NBR1: variants seen among roughly 807,000 people sequenced by gnomAD.
NBR1 encodes the protein NBR1 autophagy cargo receptor.
A neutral mutation model predicts 115.5 loss-of-function variants in NBR1; 59 were observed. That is an observed-to-expected ratio of 0.51 (90% CI 0.41 to 0.63). NBR1 has a LOEUF of 0.63. Among genes scored for constraint, NBR1 ranks in the 30% least tolerant of loss-of-function variants. The probability of loss-of-function intolerance (pLI) is 0.00; values close to 1 mark genes in which losing one functional copy is unlikely to be tolerated. For synonymous variants in NBR1, 373 were observed against 414.7 expected, an observed-to-expected ratio of 0.90 and a Z score of 1.22; for missense variants, 1,043 against 1,150.5, an observed-to-expected ratio of 0.91 and a Z score of 1.35.
chr17:43,196,440 G>A (rs370035361), intron 14 of NBR1, 41 bp from the exon 15 acceptor site: 13 of 1,241,024 alleles, frequency 1.0e-5, no homozygotes, highest in African/African-American at 1.5e-5. Context: ...ATGATATGAT[G>A]CTTTCTCTTG....
rs2056987359 is a variant in NBR1 at position 43,193,146 on chromosome 17, G to A, written c.1126G>A (p.Val376Met). 2.5e-6 allele frequency: 4 copies of A among 1,613,854 alleles called. No individual in the cohort carries two copies. In the East Asian group the frequency reaches 6.7e-5, roughly 27 times the overall value. ...TATGCCAATGCTCAGTGCAGCATTTGTGGATGAGAATTTGCCTGATGGGAC... is the reference window on the plus strand; with the variant it reads ...TATGCCAATGCTCAGTGCAGCATTTATGGATGAGAATTTGCCTGATGGGAC... ...SVMPMLSAAF[V>M]DENLPDGTHL... Residue 376 changes from valine (V) to methionine (M), a missense_variant, in exon 11 of 21, where the codon GTG (valine) becomes ATG (methionine). Coordinates refer to ENST00000590996, the MANE Select transcript of NBR1 (RefSeq NM_005899.5).
At chr17:43,208,950 G>A (rs1449239107) in intron 20 of NBR1, among the ~76,000 whole-genome samples, 1 of 152,150 alleles carries the variant, frequency 6.6e-6, no homozygotes, top group Admixed American at 6.6e-5. Flanking sequence ...CTGGGGAACA[G>A]AGTGACACCC....
intron 1 of NBR1, among the ~76,000 whole-genome samples, chr17:43,175,586 T>C (rs2056492256): frequency 2.6e-5 from 4 of 152,230 alleles, no homozygotes; most frequent in Admixed American, 2.6e-4. Context: ...TTTTAGCCTA[T>C]CTTTCTTTCC....
Position 43,189,614 on chromosome 17 carries a change from G to A in NBR1, c.507G>A (p.Thr169=), listed in dbSNP as rs751878775. The A allele has an allele frequency of 5.6e-6, 9 of 1,613,792 alleles. No individual in the cohort carries two copies. In the Admixed American group the frequency reaches 1.3e-4, roughly 24 times the overall value. ...ETFREQVVNE[T]VEKLEQKLHE... Reference sequence around the variant, plus strand: ...TCAGAGAACAAGTGGTTAACGAAACGGTTGAGAAGCTTGAACAGAAATTAC... The same window carrying A: ...TCAGAGAACAAGTGGTTAACGAAACAGTTGAGAAGCTTGAACAGAAATTAC... The change falls in exon 8 of 21, where the codon ACG becomes ACA. Residue 169 remains threonine (T), a synonymous_variant. Transcript: ENST00000590996.
intron 6 of NBR1, among the ~76,000 whole-genome samples, chr17:43,187,709 T>G (rs1178441266): frequency 1.4e-5 from 2 of 145,768 alleles, no homozygotes; most frequent in Non-Finnish European, 3.0e-5. Context: ...AGGGTTTCAG[T>G]ATGTTGGTGA....
chr17:43,195,821 A>G (rs1429083604), intron 14 of NBR1: 1 of 151,092 alleles, frequency 6.6e-6, no homozygotes, highest in Non-Finnish European at 1.5e-5. Flanking sequence ...ACCCAATCTC[A>G]AAAAACAAAC....
intron 15 of NBR1, 34 bp downstream of exon 15, chr17:43,196,625 C>A: frequency 7.0e-7 from 1 of 1,428,846 alleles, no homozygotes; most frequent in Non-Finnish European, 9.6e-7. Context: ...GTATTTGCAT[C>A]CTCCCTTTCC....
intron 6 of NBR1, 134 bp downstream of exon 6, chr17:43,186,578 G>C (rs2056807802): frequency 1.7e-5 from 13 of 758,038 alleles, no homozygotes; most frequent in Non-Finnish European, 2.3e-5. Context: ...GTGCAGGTTT[G>C]TTATATAGGT....
rs1231432402 is a variant in NBR1, at chr17:43,201,715, C to T, written c.2498C>T (p.Ser833Phe). The T allele has an allele frequency of 1.2e-6, 2 of 1,607,716 alleles. No individual in the cohort carries two copies. Among genetic ancestry groups the T allele is most frequent in the South Asian group, 2.2e-5 (2 of 90,910 alleles). The change falls in exon 18 of 21, where the codon TCC (serine) becomes TTC (phenylalanine). Residue 833 changes from serine to phenylalanine, a missense_variant. Ser to Phe is a radical substitution (Grantham distance 155, BLOSUM62 -2). Transcript: ENST00000590996. ...RSSPCVHHHGSPGVDLPVTIP... is the reference protein window; with the variant it reads ...RSSPCVHHHGFPGVDLPVTIP... ...TCTCCTTGTGTACATCATCATGGTTCCCCAGGAGTGGATTTACCAGTTACC... is the reference window on the plus strand; with the variant it reads ...TCTCCTTGTGTACATCATCATGGTTTCCCAGGAGTGGATTTACCAGTTACC...
chr17:43,210,752 A>G lies in NBR1; in HGVS notation c.*678A>G, dbSNP rs922428549. On this transcript the variant is annotated 3_prime_UTR_variant, in exon 21 of 21. Transcript: ENST00000590996. ...TGTGCTGATAAACCTACCAGCACCT[A>G]TTGAGCAATGTCTATTATAGTAATT... The G allele has an allele frequency of 4.0e-5, 16 of 398,382 alleles. No individual in the cohort carries two copies. Among genetic ancestry groups the G allele is most frequent in the Non-Finnish European group, 5.8e-5 (13 of 226,036 alleles). The allele number at this position is 398,382 out of a possible 1,614,324, so 24.7% of individuals were successfully genotyped here. A position where few individuals can be genotyped will look rare whatever the true frequency, so the allele number is the denominator to read the frequency against.
intron 5 of NBR1, among the ~76,000 whole-genome samples, chr17:43,184,957 C>T (rs1167949344): frequency 2.6e-5 from 4 of 151,776 alleles, no homozygotes; most frequent in Non-Finnish European, 4.4e-5. Context: ...GGTGTGGTGG[C>T]GTGCGCCTAT....
At chr17:43,178,524 A>G (rs1476361354) in intron 3 of NBR1, among the ~76,000 whole-genome samples, 1 of 149,850 alleles carries the variant, frequency 6.7e-6, no homozygotes, top group Non-Finnish European at 1.5e-5. Flanking sequence ...TTACAGGTGT[A>G]TACCACCACG....
chr17:43,187,550 C>G (rs1242515220), intron 6 of NBR1, among the ~76,000 whole-genome samples: 4 of 144,056 alleles, frequency 2.8e-5, no homozygotes, highest in African/African-American at 1.0e-4. Context: ...GCACCTTCGC[C>G]CTGGCTGGAG....
At chr17:43,181,277 G>A (rs2056657010) in intron 5 of NBR1, among the ~76,000 whole-genome samples, 2 of 152,162 alleles carry the variant, frequency 1.3e-5, no homozygotes, top group Admixed American at 1.3e-4. Flanking sequence ...CTGATGAATG[G>A]GCACGACACT....
intron 20 of NBR1, among the ~76,000 whole-genome samples, chr17:43,207,350 CTTGCTTGTTTAGT>C: frequency 6.6e-6 from 1 of 152,136 alleles, no homozygotes; most frequent in Non-Finnish European, 1.5e-5. Context: ...CATCTTCTTG[CTTGCTTGTTTAGT>C]TTTAGTTTTT....
chr17:43,204,948 C>G (rs988087713), intron 20 of NBR1, among the ~76,000 whole-genome samples: 67 of 152,142 alleles, frequency 4.4e-4, no homozygotes, highest in Non-Finnish European at 8.8e-5. Context: ...TGCACTCCAG[C>G]TTGGGTGACT....
At chr17:43,190,341 G>T in intron 8 of NBR1, 1 of 440,072 alleles carries the variant, frequency 2.3e-6, no homozygotes. Context: ...CAAAGTGCTG[G>T]GATTACAGAC....
At chr17:43,181,630 C>T (rs1440024585) in intron 5 of NBR1, among the ~76,000 whole-genome samples, 3 of 152,016 alleles carry the variant, frequency 2.0e-5, no homozygotes, top group Admixed American at 1.3e-4. Context: ...CGTGCCACTG[C>T]ACTCCAGCCT....
intron 4 of NBR1, 46 bp downstream of exon 4, chr17:43,179,458 T>A: frequency 6.4e-7 from 1 of 1,561,240 alleles, no homozygotes; most frequent in Admixed American, 1.7e-5. Flanking sequence ...AAAACCTTAA[T>A]CTGCTCATTG....
Sources: gnomAD v4.1 joint callset for allele counts (sites outside exome capture counted in the v4.1 genomes callset) on GRCh38, gnomAD v4.1.1 for gene constraint, MANE v1.5 for transcripts, NCBI Gene and HGNC (gene_info 2026-07-23, HGNC 2026-07-21) for gene names.